Variants in PACS2 observed in about 807,000 individuals in gnomAD.
PACS2 encodes the protein PACS1-like protein.
In PACS2, 36 loss-of-function variants were observed where a neutral mutation model predicts 113.0. The observed-to-expected ratio is 0.32, with a 90% confidence interval of 0.24 to 0.42. The LOEUF is 0.42. Among genes scored for constraint, PACS2 ranks in the 10% least tolerant of loss-of-function variants. The probability of loss-of-function intolerance (pLI) is 1.00; values close to 1 mark genes in which losing one functional copy is unlikely to be tolerated. For synonymous variants in PACS2, 589 were observed against 536.1 expected (o/e 1.10, Z -1.36); for missense variants, 1,015 against 1,239.5 (o/e 0.82, Z 2.72).
At chr14:105,327,884 C>A (rs1303642540) in intron 1 of PACS2, among the ~76,000 whole-genome samples, 1 of 151,340 alleles carries the variant, frequency 6.6e-6, no homozygotes, top group Non-Finnish European at 1.5e-5. Context: ...GACAGCCGAG[C>A]CTTGGCTCAC....
chr14:105,314,704 G>A (rs2058481405), upstream of PACS2: 1 of 142,466 alleles, frequency 7.0e-6, no homozygotes, highest in Non-Finnish European at 1.6e-5. Context: ...CCGGGGGCGC[G>A]CGGGGCGCGG....
intron 20 of PACS2, chr14:105,390,536 C>T (rs1555414566): frequency 2.9e-5 from 5 of 174,772 alleles, no homozygotes; most frequent in East Asian, 1.4e-4. Context: ...GCCTCCCTCC[C>T]GCCAGGTGTC....
chr14:105,380,278 GGT>G (rs2080936301), intron 11 of PACS2, 124 bp downstream of exon 11: 1 of 794,872 alleles, frequency 1.3e-6, no homozygotes, highest in Non-Finnish European at 2.0e-6. Context: ...GGTGTGCAGA[GGT>G]GGGGTCAGCC....
chr14:105,331,851 C>A (rs192379028), intron 1 of PACS2, among the ~76,000 whole-genome samples: 16 of 152,316 alleles, frequency 1.1e-4, no homozygotes, highest in Admixed American at 9.8e-4. Context: ...TTCAGTCTTT[C>A]AGTGCCTGAA....
chr14:105,312,105 A>G (rs1044359614), upstream of PACS2, among the ~76,000 whole-genome samples: 4 of 152,166 alleles, frequency 2.6e-5, no homozygotes, highest in Non-Finnish European at 5.9e-5. Flanking sequence ...TGTCTGTGTC[A>G]TCTTAGCCCA....
intron 8 of PACS2, among the ~76,000 whole-genome samples, chr14:105,374,302 AG>A (rs1477027089): frequency 2.0e-5 from 3 of 152,202 alleles, no homozygotes; most frequent in Admixed American, 6.5e-5. Flanking sequence ...AAGCAACAAA[AG>A]GTAAGTTTTT....
chr14:105,355,293 A>G lies in PACS2; in HGVS notation c.423+116A>G. 2 of 1,276,388 alleles carry G rather than the reference A, an allele frequency of 1.6e-6. No homozygotes were observed. The highest frequency in any genetic ancestry group is 2.1e-6 in the Non-Finnish European group (2 of 941,034). The allele number at this position is 1,276,388 out of a possible 1,614,324, so 79.1% of individuals were successfully genotyped here. A position where few individuals can be genotyped will look rare whatever the true frequency, so the allele number is the denominator to read the frequency against. ...TCCAGATGTCCAGGGATCAGGTGAA[A>G]ATGATGAGAGGAGCCTGGGCGGCCG... On this transcript the variant is annotated intron_variant, in intron 4 of 24. Coordinates refer to ENST00000447393, the MANE Select transcript of PACS2 (RefSeq NM_001100913.3). The surrounding 1 kb of genome is among the most constrained non-coding windows in gnomAD (Gnocchi z 4.1).
chr14:105,383,308 C>T (rs1555412617), intron 15 of PACS2, 51 bp from the exon 16 acceptor site: 1 of 1,592,568 alleles, frequency 6.3e-7, no homozygotes, highest in Admixed American at 1.7e-5. Flanking sequence ...TGGAGGACGG[C>T]TCCCCTGAGG....
At chr14:105,382,985 T>C in intron 15 of PACS2, 72 bp downstream of exon 15, 2 of 894,682 alleles carry the variant, frequency 2.2e-6, no homozygotes, top group Non-Finnish European at 3.6e-6. Context: ...CCTCTGCCCA[T>C]TGCTCCGGGG....
At chr14:105,331,225 G>A (rs904995218) in intron 1 of PACS2, among the ~76,000 whole-genome samples, 10 of 152,202 alleles carry the variant, frequency 6.6e-5, no homozygotes, top group Non-Finnish European at 8.8e-5. Flanking sequence ...AAAGTGCTGG[G>A]ATTACAGGCA....
At chr14:105,343,218 A>G (rs1188385106) in intron 1 of PACS2, among the ~76,000 whole-genome samples, 1 of 152,214 alleles carries the variant, frequency 6.6e-6, no homozygotes, top group African/African-American at 2.4e-5. Flanking sequence ...CCTATCACGT[A>G]TCGATCTGTT....
intron 1 of PACS2, among the ~76,000 whole-genome samples, chr14:105,320,620 G>C (rs1208125590): frequency 1.3e-5 from 2 of 152,204 alleles, no homozygotes; most frequent in African/African-American, 4.8e-5. Context: ...TGGGACTCCA[G>C]GTGTGAGCCT....
At chr14:105,362,236 G>C (rs1234261512) in intron 4 of PACS2, among the ~76,000 whole-genome samples, 1 of 150,710 alleles carries the variant, frequency 6.6e-6, no homozygotes, top group African/African-American at 2.5e-5. Flanking sequence ...GGCTAACACA[G>C]TGAAACACCG....
chr14:105,360,193 T>TG (rs1407684466), intron 4 of PACS2, among the ~76,000 whole-genome samples: 3 of 152,230 alleles, frequency 2.0e-5, no homozygotes, highest in Non-Finnish European at 4.4e-5. Context: ...TACTGTAGTC[T>TG]GTTAAGTGTG....
In PACS2 at chr14:105,327,542, C is replaced by T. The variant is rs937426200; in HGVS notation, c.119+12505C>T. On this transcript the variant is annotated intron_variant, in intron 1 of 24. Coordinates refer to ENST00000447393, the MANE Select transcript of PACS2 (RefSeq NM_001100913.3). ...GCCAGGAATCACAGCAGGTGTCTGC[C>T]GCTAGCGCTCGGAGCCTGTGCTGGG... is the stretch of plus-strand genomic sequence containing the variant. Among the ~76,000 whole-genome samples, 7 of 152,152 alleles carry T rather than the reference C, an allele frequency of 4.6e-5. No individual in the cohort carries two copies. The East Asian group carries it at 5.8e-4, about 13-fold the overall frequency.
At chr14:105,390,350 T>C (rs1026796654) in intron 20 of PACS2, 5 of 349,046 alleles carry the variant, frequency 1.4e-5, no homozygotes, top group Non-Finnish European at 2.2e-5. Context: ...CTCTGTCCTT[T>C]AGGAGCCCAA....
At chr14:105,316,929 A>G (rs2058680518) in intron 1 of PACS2, among the ~76,000 whole-genome samples, 1 of 152,136 alleles carries the variant, frequency 6.6e-6, no homozygotes, top group Non-Finnish European at 1.5e-5. Context: ...AGGTGGGCAG[A>G]TGCAGTTTGT....
At chr14:105,369,148 C>T (rs587735148) in intron 7 of PACS2, among the ~76,000 whole-genome samples, 17 of 152,372 alleles carry the variant, frequency 1.1e-4, no homozygotes, top group African/African-American at 4.1e-4. Context: ...GCCCGGACAC[C>T]GCCGCCTCCT....
At chr14:105,369,718 G>A in intron 7 of PACS2, 123 bp from the exon 8 acceptor site, 1 of 743,754 alleles carries the variant, frequency 1.3e-6, no homozygotes, top group Non-Finnish European at 2.2e-6. Flanking sequence ...CAGCGTGGCT[G>A]GTGCTGAGGC....
Sources: gnomAD v4.1 joint callset for allele counts (sites outside exome capture counted in the v4.1 genomes callset) on GRCh38, gnomAD v4.1.1 for gene constraint, Gnocchi (gnomAD v3.1) non-coding constraint, MANE v1.5 for transcripts, NCBI Gene and HGNC (gene_info 2026-07-23, HGNC 2026-07-21) for gene names.